Variants in MMP16 observed in about 807,000 individuals in gnomAD.
MMP16 encodes the protein matrix metallopeptidase 16.
In MMP16, 12 loss-of-function variants were observed where a neutral mutation model predicts 67.8. That is an observed-to-expected ratio of 0.18 (90% CI 0.11 to 0.29). MMP16 has a LOEUF of 0.29. Among genes scored for constraint, MMP16 ranks in the 10% least tolerant of loss-of-function variants. The probability of loss-of-function intolerance (pLI) is 1.00; values close to 1 mark genes in which losing one functional copy is unlikely to be tolerated. For missense variants in MMP16, 475 were observed against 765.7 expected (o/e 0.62, Z 4.48); for synonymous variants, 249 against 255.9 (o/e 0.97, Z 0.26).
chr8:88,248,067 A>T (rs1394499148), intron 1 of MMP16, among the ~76,000 whole-genome samples: 2 of 152,056 alleles, frequency 1.3e-5, no homozygotes, highest in African/African-American at 4.8e-5. Flanking sequence ...TCCCCTATAT[A>T]CATACACCTC....
intron 7 of MMP16, among the ~76,000 whole-genome samples, chr8:88,061,125 T>TAC (rs1554575025): frequency 5.1e-5 from 6 of 116,638 alleles, no homozygotes; most frequent in African/African-American, 2.4e-4. Flanking sequence ...ATCTGAATAT[T>TAC]ATACACACAC....
intron 4 of MMP16, among the ~76,000 whole-genome samples, chr8:88,139,957 C>T (rs1476113371): frequency 3.3e-5 from 5 of 152,092 alleles, no homozygotes; most frequent in African/African-American, 1.2e-4. Context: ...TGCTGTATCA[C>T]TGATCTCTAA....
chr8:88,104,629 T>G (rs908312839), intron 6 of MMP16, among the ~76,000 whole-genome samples: 3 of 141,732 alleles, frequency 2.1e-5, no homozygotes, highest in Non-Finnish European at 4.7e-5. Flanking sequence ...ATAATAAATA[T>G]GTTAATAATT....
At chr8:88,091,541 T>G (rs1288728530) in intron 6 of MMP16, among the ~76,000 whole-genome samples, 5 of 150,974 alleles carry the variant, frequency 3.3e-5, no homozygotes, top group Non-Finnish European at 5.9e-5. Flanking sequence ...AAAAGGTGAC[T>G]AATTCATTTA....
chr8:88,298,484 T>C (rs1467421335), intron 1 of MMP16, among the ~76,000 whole-genome samples: 2 of 152,158 alleles, frequency 1.3e-5, no homozygotes, highest in East Asian at 3.9e-4. Context: ...ACAACTGTAC[T>C]TCCAAAAGCA....
chr8:88,249,010 C>A (rs950781126), intron 1 of MMP16, among the ~76,000 whole-genome samples: 7 of 151,764 alleles, frequency 4.6e-5, no homozygotes, highest in Non-Finnish European at 7.4e-5. Context: ...AGGCCAATCA[C>A]CAACGCAACT....
At chr8:88,116,823 T>C in intron 5 of MMP16, 105 bp from the exon 6 acceptor site, 2 of 1,010,766 alleles carry the variant, frequency 2.0e-6, no homozygotes, top group Non-Finnish European at 3.0e-6. Context: ...ACAGACTAAC[T>C]GAACTAAGAG....
chr8:88,138,443 C>T (rs2118495332), intron 4 of MMP16, among the ~76,000 whole-genome samples: 1 of 152,082 alleles, frequency 6.6e-6, no homozygotes, highest in East Asian at 1.9e-4. Flanking sequence ...GGCTTTTTGA[C>T]TGGCTCTTAG....
At chr8:88,118,932 T>C (rs980427654) in intron 4 of MMP16, 71 bp from the exon 5 acceptor site, 5 of 1,428,856 alleles carry the variant, frequency 3.5e-6, no homozygotes, top group Non-Finnish European at 4.8e-6. Flanking sequence ...GACAATTTGG[T>C]ATTATCAACA....
intron 1 of MMP16, among the ~76,000 whole-genome samples, chr8:88,307,668 T>C (rs1436015992): frequency 6.6e-6 from 1 of 151,918 alleles, no homozygotes; most frequent in African/African-American, 2.4e-5. Flanking sequence ...TAAAAGACAT[T>C]ATGCCTAGTA....
At chr8:88,138,303 G>A (rs898458418) in intron 4 of MMP16, among the ~76,000 whole-genome samples, 3 of 151,880 alleles carry the variant, frequency 2.0e-5, no homozygotes, top group Non-Finnish European at 4.4e-5. Context: ...CTGTTCTAAG[G>A]CTGACTCTCT....
intron 1 of MMP16, among the ~76,000 whole-genome samples, chr8:88,279,474 A>G (rs1255627551): frequency 1.3e-5 from 2 of 152,182 alleles, no homozygotes; most frequent in African/African-American, 4.8e-5. Context: ...CCTTCTAGAT[A>G]TATTTTAGAG....
At chr8:88,145,501 A>T (rs1808276407) in intron 4 of MMP16, among the ~76,000 whole-genome samples, 1 of 151,938 alleles carries the variant, frequency 6.6e-6, no homozygotes, top group African/African-American at 2.4e-5. Context: ...AGGCCATAAA[A>T]CAATTTCAAT....
At chr8:88,270,478 A>G (rs1810547665) in intron 1 of MMP16, among the ~76,000 whole-genome samples, 1 of 152,220 alleles carries the variant, frequency 6.6e-6, no homozygotes, top group Admixed American at 6.5e-5. Flanking sequence ...ATAATCTAAA[A>G]GTCAATGTAT....
At chr8:88,117,652 G>T (rs1809458402) in intron 5 of MMP16, among the ~76,000 whole-genome samples, 1 of 151,366 alleles carries the variant, frequency 6.6e-6, no homozygotes, top group South Asian at 2.1e-4. Flanking sequence ...CTCTCTTCTT[G>T]GTATCCCAGC....
intron 1 of MMP16, among the ~76,000 whole-genome samples, chr8:88,267,800 T>C (rs1810497781): frequency 1.3e-5 from 2 of 152,300 alleles, no homozygotes; most frequent in East Asian, 3.9e-4. Flanking sequence ...AAGTAAGAAG[T>C]TGAGAATATA....
chr8:88,255,237 C>G (rs906846572), intron 1 of MMP16, among the ~76,000 whole-genome samples: 1 of 152,072 alleles, frequency 6.6e-6, no homozygotes, highest in Non-Finnish European at 1.5e-5. Context: ...TTTAAAAGAG[C>G]CTGGCACCTG....
chr8:88,218,346 T>G (rs913535537), intron 1 of MMP16, among the ~76,000 whole-genome samples: 1 of 151,970 alleles, frequency 6.6e-6, no homozygotes, highest in Non-Finnish European at 1.5e-5. Flanking sequence ...TAGGGGAAAT[T>G]GAAGGATTTC....
At chr8:88,109,997 C>T (rs1159322086) in intron 6 of MMP16, among the ~76,000 whole-genome samples, 1 of 150,804 alleles carries the variant, frequency 6.6e-6, no homozygotes, top group Non-Finnish European at 1.5e-5. Flanking sequence ...ATCCTAAATT[C>T]CAAAATATGT....
Sources: allele counts gnomAD v4.1 joint callset (sites outside exome capture counted in the v4.1 genomes callset), GRCh38; gene constraint gnomAD v4.1.1; transcripts MANE v1.5; gene names NCBI Gene and HGNC (gene_info 2026-07-23, HGNC 2026-07-21).